The following LRRC43 variants were observed in gnomAD, a reference collection of about 807,000 sequenced individuals.
The protein encoded by LRRC43 is leucine rich repeat containing 43, also known as leucine-rich repeat-containing protein 43.
Under a neutral mutation model 64.3 loss-of-function variants are expected in LRRC43, and 62 were observed. The observed-to-expected ratio is 0.96, with a 90% confidence interval of 0.79 to 1.19. LRRC43 has a LOEUF of 1.19. LRRC43 is among the 50% of genes most tolerant of loss of function. The pLI is 0.00. For missense variants in LRRC43, 868 were observed against 845.0 expected (o/e 1.03, Z -0.34); for synonymous variants, 422 against 382.3 (o/e 1.10, Z -1.21).
intron 7 of LRRC43, among the ~76,000 whole-genome samples, chr12:122,197,354 CAG>C (rs1953782601): frequency 1.3e-5 from 2 of 151,906 alleles, no homozygotes; most frequent in African/African-American, 2.4e-5. Context: ...TTAGTAGAGA[CAG>C]AGTTTCACTA....
At chr12:122,190,415 C>A in intron 5 of LRRC43, 47 bp downstream of exon 5, 2 of 1,494,384 alleles carry the variant, frequency 1.3e-6, no homozygotes, top group Non-Finnish European at 1.9e-6. Context: ...GACACCCCAG[C>A]CTGCGCCTGG....
chr12:122,190,203 AC>A lies in LRRC43; in HGVS notation c.739del (p.Leu247SerfsTer65). ...GCAGAGCATGGTCACCAGCCTGAGG[AC>A]CCTCCGGCACCTGCGACTCCTGGTG... The part of the protein sequence containing the change: ...DLQSMVTSLR[T>X]LRHLRLLVLQ... On this transcript the variant is annotated frameshift_variant, in exon 5 of 12. Coordinates refer to ENST00000339777, the MANE Select transcript of LRRC43 (RefSeq NM_001098519.2). LOFTEE classifies it high-confidence loss of function. The A allele has an allele frequency of 1.2e-6, 2 of 1,613,720 alleles. No individual in the cohort carries two copies.
chr12:122,194,710 A>ATCC, intron 7 of LRRC43, among the ~76,000 whole-genome samples: 1 of 152,068 alleles, frequency 6.6e-6, no homozygotes, highest in Non-Finnish European at 1.5e-5. Context: ...ATCTCAAGCA[A>ATCC]TCCTACTGCC....
chr12:122,186,405 C>T (rs1953645424), intron 3 of LRRC43, 105 bp downstream of exon 3: 11 of 695,372 alleles, frequency 1.6e-5, no homozygotes, highest in Non-Finnish European at 2.7e-5. Flanking sequence ...AGGGTAAGGC[C>T]CAGCTCCAGG....
chr12:122,172,720 G>T lies in LRRC43; in HGVS notation c.-406+4938G>T, dbSNP rs971666320. 5.0e-6 allele frequency: 8 copies of T among 1,612,056 alleles called. No individual in the cohort carries two copies. In the African/African-American group the frequency reaches 1.1e-4, roughly 22 times the overall value. ...GGCAGCGTGTAATTCTGGGACACGA[G>T]CACGCCCTTCTCTTCCTCCACCTGT... On this transcript the variant is annotated intron_variant, in intron 1 of 5. Transcript: ENST00000537729.
chr12:122,194,573 AAAAAAAAG>A (rs1338629347), intron 7 of LRRC43, among the ~76,000 whole-genome samples: 1 of 139,682 alleles, frequency 7.2e-6, no homozygotes. Context: ...TCTCAAAAAA[AAAAAAAAG>A]AAAAGAAAAG....
At chr12:122,193,557 T>C (rs1428691567) in intron 7 of LRRC43, among the ~76,000 whole-genome samples, 1 of 152,084 alleles carries the variant, frequency 6.6e-6, no homozygotes, top group African/African-American at 2.4e-5. Context: ...GCCAAGATTT[T>C]CGGAATGATT....
intron 1 of LRRC43, chr12:122,173,818 A>T (rs781360722): frequency 6.2e-7 from 1 of 1,603,704 alleles, no homozygotes; most frequent in Admixed American, 1.7e-5. Context: ...GAAATCGTTT[A>T]GAAAAGAAAT....
chr12:122,172,332 G>A (rs1245704527), intron 1 of LRRC43: 3 of 1,014,120 alleles, frequency 3.0e-6, no homozygotes, highest in East Asian at 2.4e-5. Flanking sequence ...AAGGAATCAC[G>A]GCAGAGTTCC....
intron 7 of LRRC43, among the ~76,000 whole-genome samples, chr12:122,196,429 A>G (rs1953773241): frequency 6.6e-6 from 1 of 152,200 alleles, no homozygotes; most frequent in African/African-American, 2.4e-5. Context: ...TGCAGGTGTG[A>G]TGCCAGGTAT....
At position 122,188,043 on chromosome 12, in the gene LRRC43, G is replaced by T. The variant is rs1318072663; in HGVS notation, c.662+203G>T. The T allele has an allele frequency of 8.1e-5, 44 of 540,582 alleles. 1 individual carries two copies. The Admixed American group carries it at 1.5e-3, about 18-fold the overall frequency. The allele number at this position is 540,582 out of a possible 1,614,324, so 33.5% of individuals were successfully genotyped here. ...AAAAGCCCGGGGAAGGAGAACAAGA[G>T]GTAGTAGGTGTGAGTCAGAGCCTTT... is the stretch of plus-strand genomic sequence containing the variant. On this transcript the variant is annotated intron_variant, in intron 4 of 11. Transcript: ENST00000339777.
At position 122,192,964 on chromosome 12, in the gene LRRC43, T is replaced by C. The variant is rs1024286036; in HGVS notation, c.1309T>C (p.Leu437=). 10 of 1,613,972 alleles carry C rather than the reference T, an allele frequency of 6.2e-6. No homozygotes were observed. Among genetic ancestry groups the C allele is most frequent in the Non-Finnish European group, 7.6e-6 (9 of 1,179,976 alleles). ...PRASAEELAK[L]RLRIDPRLCP... is the part of the protein sequence containing the mutation. Reference sequence around the variant, plus strand: ...GGCCTCTGCAGAAGAGCTGGCCAAGTTGAGGCTGCGTATAGATCCCCGGCT... The same window carrying C: ...GGCCTCTGCAGAAGAGCTGGCCAAGCTGAGGCTGCGTATAGATCCCCGGCT... Residue 437 remains leucine, a synonymous_variant, in exon 7 of 12, where the codon TTG becomes CTG. Transcript: ENST00000339777.
intron 10 of LRRC43, 71 bp from the exon 11 acceptor site, chr12:122,201,225 C>T: frequency 1.3e-6 from 2 of 1,531,534 alleles, no homozygotes; most frequent in Non-Finnish European, 1.8e-6. Flanking sequence ...GGAGGTGGGG[C>T]CCCAGAGACA....
rs530340667 is a variant in LRRC43 at position 122,187,565 on chromosome 12, C to T, written c.523-136C>T. On this transcript the variant is annotated intron_variant, in intron 3 of 11. Coordinates refer to ENST00000339777, the MANE Select transcript of LRRC43 (RefSeq NM_001098519.2). The stretch of plus-strand genomic sequence containing the variant: ...TCTTCCTGGGTTTTTAAAAGGGAGT[C>T]GGGGTGGTGCCAGGGAGGCCAGGTG... 2.6e-5 allele frequency: 16 copies of T among 623,984 alleles called. 1 individual carries two copies. Among genetic ancestry groups the T allele is most frequent in the Middle Eastern group, 4.4e-4 (1 of 2,282 alleles). The allele number at this position is 623,984 out of a possible 1,614,324, so 38.7% of individuals were successfully genotyped here.
At chr12:122,193,644 A>C (rs907730449) in intron 7 of LRRC43, among the ~76,000 whole-genome samples, 19 of 152,244 alleles carry the variant, frequency 1.2e-4, no homozygotes, top group African/African-American at 4.1e-4. Flanking sequence ...AGCTTACTGC[A>C]TCCTCCATCT....
chr12:122,200,904 A>G lies in LRRC43; in HGVS notation c.1779A>G (p.Thr593=). 1 of 1,609,708 alleles carries G rather than the reference A, an allele frequency of 6.2e-7. No homozygotes were observed. Among genetic ancestry groups the G allele is most frequent in the Non-Finnish European group, 8.5e-7 (1 of 1,178,280 alleles). Reference sequence around the variant, plus strand: ...TGTGCAACTTCGGCGTGGTCCGCACATTGACATCTGACAGGCTGACGTTGG... The same window carrying G: ...TGTGCAACTTCGGCGTGGTCCGCACGTTGACATCTGACAGGCTGACGTTGG... The part of the protein sequence containing the change: ...STVCNFGVVR[T]LTSDRLTLAR... Residue 593 remains threonine (T), a synonymous_variant, in exon 10 of 12, where the codon ACA becomes ACG. Transcript: ENST00000339777. The surrounding 1 kb of genome is among the most constrained non-coding windows in gnomAD (Gnocchi z 4.6).
chr12:122,190,230 C>G lies in LRRC43; in HGVS notation c.763C>G (p.Leu255Val). ...CCTCCGGCACCTGCGACTCCTGGTG[C>G]TGCAGGGAAACCCACTGGCCTTGGT... Reference protein sequence around the residue: ...RTLRHLRLLVLQGNPLALVPY... With the variant: ...RTLRHLRLLVVQGNPLALVPY... Residue 255 changes from leucine (L) to valine (V), a missense_variant, in exon 5 of 12, where the codon CTG becomes GTG. Physicochemically the swap from Leu to Val is conservative, Grantham distance 32. Transcript: ENST00000339777. 3 of 1,614,164 alleles carry G rather than the reference C, an allele frequency of 1.9e-6. No individual in the cohort carries two copies. The highest frequency in any genetic ancestry group is 2.5e-6 in the Non-Finnish European group (3 of 1,180,010).
intron 10 of LRRC43, 114 bp downstream of exon 10, chr12:122,201,048 G>C: frequency 7.5e-7 from 1 of 1,325,640 alleles, no homozygotes; most frequent in East Asian, 2.4e-5. Flanking sequence ...GAGGTGGTGG[G>C]GAGGGCCTTT....
intron 4 of LRRC43, 48 bp from the exon 5 acceptor site, chr12:122,190,082 C>A: frequency 6.6e-7 from 1 of 1,517,916 alleles, no homozygotes; most frequent in South Asian, 1.1e-5. Flanking sequence ...TGCTTGCCCC[C>A]TGCTCACCTG....
Sources: gnomAD v4.1 joint callset for allele counts (sites outside exome capture counted in the v4.1 genomes callset) on GRCh38, gnomAD v4.1.1 for gene constraint, Gnocchi (gnomAD v3.1) non-coding constraint, MANE v1.5 for transcripts, NCBI Gene and HGNC (gene_info 2026-07-23, HGNC 2026-07-21) for gene names.